ROBO2: variants seen among roughly 807,000 people sequenced by gnomAD.
ROBO2 encodes the protein roundabout homolog 2.
In ROBO2, 53 loss-of-function variants were observed where a neutral mutation model predicts 160.8. The ratio of observed to expected loss-of-function variants is 0.33; its 90% CI spans 0.26 to 0.41. The LOEUF (loss-of-function observed/expected upper bound fraction) is 0.41, where lower values mean the gene tolerates loss of function less well. ROBO2 is among the 10% of genes least tolerant of loss of function. The pLI is 1.00. For missense variants in ROBO2, 1,577 were observed against 1,722.4 expected (o/e 0.92, Z 1.49); for synonymous variants, 664 against 611.7 (o/e 1.09, Z -1.26).
chr3:75,924,676 CTTTTCTTTTT>C (rs1947206486), intron 1 of ROBO2, among the ~76,000 whole-genome samples: 1 of 62,406 alleles, frequency 1.6e-5, no homozygotes, highest in Non-Finnish European at 3.3e-5. Context: ...AATTTATTTT[CTTTTCTTTTT>C]TTTTTTTTTT....
chr3:77,596,359 T>C (rs1026511745), intron 18 of ROBO2, among the ~76,000 whole-genome samples: 1 of 152,146 alleles, frequency 6.6e-6, no homozygotes, highest in Non-Finnish European at 1.5e-5. Context: ...TCCTAGTATG[T>C]TACTGATTTC....
chr3:77,624,317 A>G (rs1318977933), intron 23 of ROBO2, among the ~76,000 whole-genome samples: 1 of 152,028 alleles, frequency 6.6e-6, no homozygotes, highest in Non-Finnish European at 1.5e-5. Context: ...GTAAGTGCTT[A>G]TAAGTGTGTG....
chr3:77,055,459 A>G (rs772503193), intron 1 of ROBO2, among the ~76,000 whole-genome samples: 12 of 152,308 alleles, frequency 7.9e-5, no homozygotes, highest in Middle Eastern at 3.4e-3. Context: ...GGAGTTTATC[A>G]TAGAAATAGA....
At chr3:76,351,105 C>A (rs1053673688) in intron 2 of ROBO2, among the ~76,000 whole-genome samples, 3 of 151,554 alleles carry the variant, frequency 2.0e-5, no homozygotes, top group Non-Finnish European at 4.4e-5. Flanking sequence ...TTTCCTCAAC[C>A]CTCTCAATAA....
intron 2 of ROBO2, among the ~76,000 whole-genome samples, chr3:76,021,659 G>T (rs673642): frequency 0.78 from 118,788 of 151,722 alleles, 47,125 homozygotes; most frequent in South Asian, 0.9. Context: ...ATAACCAGCT[G>T]AGTGTGCAAT....
At chr3:76,678,638 A>G (rs1490963155) in intron 2 of ROBO2, among the ~76,000 whole-genome samples, 3 of 152,192 alleles carry the variant, frequency 2.0e-5, no homozygotes, top group Non-Finnish European at 4.4e-5. Context: ...ACATTTTTAT[A>G]GATGAATAGA....
At chr3:76,602,130 T>C (rs1409915202) in intron 2 of ROBO2, among the ~76,000 whole-genome samples, 5 of 152,234 alleles carry the variant, frequency 3.3e-5, no homozygotes, top group South Asian at 2.1e-4. Context: ...CTGGACCTTA[T>C]TGTTCATATC....
At chr3:76,271,908 G>T (rs1273939304) in intron 2 of ROBO2, among the ~76,000 whole-genome samples, 1 of 151,998 alleles carries the variant, frequency 6.6e-6, no homozygotes, top group African/African-American at 2.4e-5. Flanking sequence ...AGACAACTCT[G>T]TGTACAAAAC....
At chr3:77,138,594 G>A (rs1298344411) in intron 2 of ROBO2, among the ~76,000 whole-genome samples, 1 of 152,168 alleles carries the variant, frequency 6.6e-6, no homozygotes, top group Non-Finnish European at 1.5e-5. Context: ...TAGATAAAAG[G>A]ATTCACATAT....
At chr3:76,178,967 G>T (rs912024006) in intron 2 of ROBO2, among the ~76,000 whole-genome samples, 1 of 151,836 alleles carries the variant, frequency 6.6e-6, no homozygotes, top group African/African-American at 2.4e-5. Context: ...TAAATAAAAA[G>T]GAACCTTGTT....
At chr3:77,224,147 A>G (rs2086179048) in intron 2 of ROBO2, among the ~76,000 whole-genome samples, 1 of 152,010 alleles carries the variant, frequency 6.6e-6, no homozygotes, top group South Asian at 2.1e-4. Context: ...ATTTTCTAAC[A>G]TTGTCTATTA....
chr3:76,732,877 T>C (rs2093657167), intron 2 of ROBO2, among the ~76,000 whole-genome samples: 1 of 151,998 alleles, frequency 6.6e-6, no homozygotes, highest in Non-Finnish European at 1.5e-5. Flanking sequence ...AGGTTTATGA[T>C]GAGTCCAATG....
At chr3:77,248,651 G>C (rs2090003886) in intron 2 of ROBO2, among the ~76,000 whole-genome samples, 1 of 152,162 alleles carries the variant, frequency 6.6e-6, no homozygotes, top group Admixed American at 6.5e-5. Context: ...GTGGAAGTGA[G>C]ACCAACCGAG....
At chr3:77,258,154 G>A (rs1363332804) in intron 2 of ROBO2, among the ~76,000 whole-genome samples, 13 of 152,230 alleles carry the variant, frequency 8.5e-5, no homozygotes, top group Non-Finnish European at 1.5e-4. Flanking sequence ...GCCACATGCC[G>A]TGAAAAATGT....
At chr3:76,729,331 T>C (rs34022428) in intron 2 of ROBO2, among the ~76,000 whole-genome samples, 4 of 152,098 alleles carry the variant, frequency 2.6e-5, no homozygotes, top group Admixed American at 6.5e-5. Flanking sequence ...ATAAAAATCA[T>C]ACTAGAAATT....
At chr3:76,493,365 A>ATATATATATATATG (rs61651925) in intron 2 of ROBO2, among the ~76,000 whole-genome samples, 2 of 132,014 alleles carry the variant, frequency 1.5e-5, no homozygotes, top group Non-Finnish European at 3.2e-5. Context: ...ATATATATAT[A>ATATATATATATATG]ATTGTATATA....
intron 2 of ROBO2, among the ~76,000 whole-genome samples, chr3:76,560,931 AAGATAT>A (rs1160705468): frequency 1.5e-5 from 1 of 68,390 alleles, no homozygotes; most frequent in East Asian, 4.0e-4. Flanking sequence ...TATAAGAAGT[AAGATAT>A]ATATATATAT....
rs1706934128 is a variant in ROBO2, at chr3:76,263,962, CAT to C, written c.109+326362_109+326363del. ...GAAACCATCATTGTCAGCAAACTAA[CAT>C]AGGAACAGAAAACCAAACTCCACAT... On this transcript the variant is annotated intron_variant, in intron 2 of 26. Transcript: ENST00000487694. Among the ~76,000 whole-genome samples the C allele has an allele frequency of 2.6e-5, 4 of 152,208 alleles. No individual in the cohort carries two copies. The South Asian group carries it at 8.3e-4, about 32-fold the overall frequency.
At chr3:77,034,459 A>G (rs1485956344) in intron 2 of ROBO2, among the ~76,000 whole-genome samples, 1 of 151,836 alleles carries the variant, frequency 6.6e-6, no homozygotes, top group Non-Finnish European at 1.5e-5. Flanking sequence ...AATAAAATAA[A>G]TTGGATATTG....
Sources: allele counts gnomAD v4.1 joint callset (sites outside exome capture counted in the v4.1 genomes callset), GRCh38; gene constraint gnomAD v4.1.1; transcripts MANE v1.5; gene names NCBI Gene and HGNC (gene_info 2026-07-23, HGNC 2026-07-21).